Variants in GABBR2 observed in about 807,000 individuals in gnomAD.
GABBR2 encodes gamma-aminobutyric acid type B receptor subunit 2, also known as G-protein coupled receptor 51.
In GABBR2, 23 loss-of-function variants were observed where a neutral mutation model predicts 105.6. The observed-to-expected ratio is 0.22, with a 90% CI of 0.16 to 0.31. The LOEUF (loss-of-function observed/expected upper bound fraction) is 0.31, where lower values mean the gene tolerates loss of function less well. GABBR2 is among the 10% of genes least tolerant of loss of function. The pLI, the probability that GABBR2 is intolerant of heterozygous loss-of-function variation, is 1.00. For synonymous variants in GABBR2, 478 were observed against 499.7 expected (o/e 0.96, Z 0.58); for missense variants, 734 against 1,245.5 (o/e 0.59, Z 6.18).
rs1468247421 is a variant in GABBR2 at position 98,473,320 on chromosome 9, A to G, written c.825T>C (p.Ser275=). ...AGCCCGGAATGATCCACTGATATTTACTACCATACATGTTCTCCTCGTATG... is the reference window on the plus strand; with the variant it reads ...AGCCCGGAATGATCCACTGATATTTGCTACCATACATGTTCTCCTCGTATG... The part of the protein sequence containing the change: ...CCAYEENMYG[S]KYQWIIPGWY... Residue 275 remains serine, a synonymous_variant, in exon 6 of 19, where the codon AGT becomes AGC. Transcript: ENST00000259455. 3 of 1,612,854 alleles carry G rather than the reference A, an allele frequency of 1.9e-6. No homozygotes were observed. The highest frequency in any genetic ancestry group is 8.5e-7 in the Non-Finnish European group (1 of 1,179,254).
At chr9:98,593,013 T>G (rs191833346) in intron 1 of GABBR2, among the ~76,000 whole-genome samples, 24 of 152,256 alleles carry the variant, frequency 1.6e-4, no homozygotes, top group African/African-American at 5.5e-4. Context: ...AGGGTCTCAC[T>G]CTGTTGCCCA....
intron 13 of GABBR2, among the ~76,000 whole-genome samples, chr9:98,358,086 C>T (rs2131437132): frequency 6.6e-6 from 1 of 152,278 alleles, no homozygotes; most frequent in Middle Eastern, 3.4e-3. Context: ...TTTGAAAATA[C>T]CATAGTGCAC....
chr9:98,380,910 C>T (rs1831963551), intron 11 of GABBR2, among the ~76,000 whole-genome samples: 4 of 152,186 alleles, frequency 2.6e-5, no homozygotes, highest in African/African-American at 9.7e-5. Context: ...TGTTAAGCTG[C>T]TATTTTGAAA....
chr9:98,290,746 G>A lies in GABBR2; in HGVS notation c.2664C>T (p.Ile888=), dbSNP rs371566642. 4.7e-5 allele frequency: 69 copies of A among 1,481,582 alleles called. No individual in the cohort carries two copies. The highest frequency in any genetic ancestry group is 6.0e-5 in the Admixed American group (2 of 33,428). The allele number at this position is 1,481,582 out of a possible 1,614,324, so 91.8% of individuals were successfully genotyped here. A position where few individuals can be genotyped will look rare whatever the true frequency, so the allele number is the denominator to read the frequency against. The change falls in exon 19 of 19, where the codon ATC becomes ATT. Residue 888 remains isoleucine (I), a synonymous_variant. Coordinates refer to ENST00000259455, the MANE Select transcript of GABBR2 (RefSeq NM_005458.8). ...PIEDINSPEH[I]QRRLSLQLPI... is the part of the protein sequence containing the mutation. ...GGAGCTGGAGGGACAGCCGACGCTG[G>A]ATGCTGAAGAGAAGGAGAGGGAGGA...
At chr9:98,400,130 G>A (rs1333135186) in intron 8 of GABBR2, among the ~76,000 whole-genome samples, 2 of 150,618 alleles carry the variant, frequency 1.3e-5, no homozygotes, top group Non-Finnish European at 2.9e-5. Flanking sequence ...GCTGCAATGA[G>A]CTATGATTGT....
chr9:98,328,660 G>A (rs1404880695), intron 13 of GABBR2, among the ~76,000 whole-genome samples: 1 of 152,186 alleles, frequency 6.6e-6, no homozygotes, highest in Non-Finnish European at 1.5e-5. Context: ...GTGAAATTAA[G>A]TTTTGCATTT....
intron 13 of GABBR2, among the ~76,000 whole-genome samples, chr9:98,359,902 TCGACTCCAG>T (rs1047049837): frequency 2.6e-5 from 4 of 152,226 alleles, no homozygotes; most frequent in African/African-American, 9.6e-5. Flanking sequence ...GAGCAGGTTC[TCGACTCCAG>T]CGGAGCCAGT....
intron 1 of GABBR2, among the ~76,000 whole-genome samples, chr9:98,620,958 CAT>C (rs1429316817): frequency 1.3e-5 from 2 of 152,112 alleles, no homozygotes; most frequent in Non-Finnish European, 2.9e-5. Flanking sequence ...GAGAATTAAA[CAT>C]GTGAAACACT....
chr9:98,342,907 A>G (rs1831237965), intron 13 of GABBR2, among the ~76,000 whole-genome samples: 1 of 152,212 alleles, frequency 6.6e-6, no homozygotes, highest in African/African-American at 2.4e-5. Context: ...TGAAGATACC[A>G]GCTGTTTCCT....
chr9:98,501,910 C>T (rs76800416), intron 3 of GABBR2, among the ~76,000 whole-genome samples: 1 of 152,152 alleles, frequency 6.6e-6, no homozygotes, highest in Non-Finnish European at 1.5e-5. Flanking sequence ...GAGAAAATGC[C>T]GCCAGGTCAG....
chr9:98,553,160 A>T (rs1828521936), intron 2 of GABBR2, among the ~76,000 whole-genome samples: 1 of 152,024 alleles, frequency 6.6e-6, no homozygotes, highest in South Asian at 2.1e-4. Flanking sequence ...CTGGGATTAT[A>T]AGTGTGAGCC....
intron 17 of GABBR2, among the ~76,000 whole-genome samples, chr9:98,296,351 C>T (rs1299634076): frequency 6.6e-6 from 1 of 152,202 alleles, no homozygotes; most frequent in Non-Finnish European, 1.5e-5. Flanking sequence ...ACTCCCCAGC[C>T]TCCAGAACTG....
At chr9:98,606,540 G>A (rs1170209581) in intron 1 of GABBR2, among the ~76,000 whole-genome samples, 1 of 147,104 alleles carries the variant, frequency 6.8e-6, no homozygotes, top group Non-Finnish European at 1.5e-5. Context: ...GACTGCAATG[G>A]CACAGTCTTG....
intron 3 of GABBR2, among the ~76,000 whole-genome samples, chr9:98,503,192 CCG>C (rs1827439662): frequency 6.6e-6 from 1 of 152,098 alleles, no homozygotes. Flanking sequence ...GGATTCCAGG[CCG>C]AGGAGCAGCA....
In GABBR2 at chr9:98,288,439, T is replaced by C. The variant is rs1358746017; in HGVS notation, c.*2145A>G. The C allele has an allele frequency of 6.6e-6, 1 of 152,608 alleles. No individual in the cohort carries two copies. Among genetic ancestry groups the C allele is most frequent in the African/African-American group, 2.4e-5 (1 of 41,444 alleles). The allele number at this position is 152,608 out of a possible 1,614,324, so 9.5% of individuals were successfully genotyped here. On this transcript the variant is annotated 3_prime_UTR_variant, in exon 19 of 19. Transcript: ENST00000259455. ...AGTTAACCTAGAAGACAGCGCACGC[T>C]CAGGAGTCACAAAGGGTTACAGACG...
chr9:98,592,195 G>C (rs925262181), intron 1 of GABBR2, among the ~76,000 whole-genome samples: 2 of 152,148 alleles, frequency 1.3e-5, no homozygotes, highest in Non-Finnish European at 2.9e-5. Flanking sequence ...CCAAGTATAA[G>C]GGACACAAAG....
At chr9:98,563,320 G>A (rs542528142) in intron 2 of GABBR2, among the ~76,000 whole-genome samples, 2 of 152,276 alleles carry the variant, frequency 1.3e-5, no homozygotes, top group African/African-American at 4.8e-5. Context: ...CAAAGGAGAC[G>A]CTGCCTCGAC....
chr9:98,616,776 C>A (rs914053648), intron 1 of GABBR2, among the ~76,000 whole-genome samples: 1 of 151,486 alleles, frequency 6.6e-6, no homozygotes, highest in Non-Finnish European at 1.5e-5. Flanking sequence ...AAAGAAAAGT[C>A]TTCTACTTTG....
At chr9:98,601,892 T>C (rs768522317) in intron 1 of GABBR2, among the ~76,000 whole-genome samples, 6 of 152,240 alleles carry the variant, frequency 3.9e-5, no homozygotes, top group South Asian at 2.1e-4. Flanking sequence ...CCCAGCTGCC[T>C]GCGATTGCCA....
Sources: gnomAD v4.1 joint callset for allele counts (sites outside exome capture counted in the v4.1 genomes callset) on GRCh38, gnomAD v4.1.1 for gene constraint, MANE v1.5 for transcripts, NCBI Gene and HGNC (gene_info 2026-07-23, HGNC 2026-07-21) for gene names.